CDH12: variants seen among roughly 807,000 people sequenced by gnomAD.
CDH12 encodes cadherin 12.
A neutral mutation model predicts 74.1 loss-of-function variants in CDH12; 41 were observed. That is an observed-to-expected ratio of 0.55 (90% CI 0.43 to 0.72). CDH12 has a LOEUF of 0.72. CDH12 is among the 30% of genes least tolerant of loss of function. The pLI is 0.00. For missense variants in CDH12, 945 were observed against 977.2 expected (o/e 0.97, Z 0.44); for synonymous variants, 399 against 355.0 (o/e 1.12, Z -1.39).
intron 1 of CDH12, among the ~76,000 whole-genome samples, chr5:22,506,726 G>C (rs188205722): frequency 2.6e-5 from 4 of 151,892 alleles, no homozygotes; most frequent in Admixed American, 2.6e-4. Context: ...TCAGTGAAGT[G>C]AGCTGGGAAA....
chr5:22,384,221 G>A (rs1483230730), intron 3 of CDH12, among the ~76,000 whole-genome samples: 2 of 151,948 alleles, frequency 1.3e-5, no homozygotes, highest in African/African-American at 4.8e-5. Context: ...ATTAAAAAAT[G>A]TCCATAAGAA....
intron 1 of CDH12, among the ~76,000 whole-genome samples, chr5:22,650,670 T>G (rs1185059182): frequency 1.3e-5 from 2 of 152,076 alleles, no homozygotes; most frequent in East Asian, 1.9e-4. Flanking sequence ...CCCTTTCATC[T>G]TGTGCACTTC....
intron 5 of CDH12, among the ~76,000 whole-genome samples, chr5:21,999,099 A>G (rs955071602): frequency 7.2e-5 from 11 of 152,136 alleles, no homozygotes; most frequent in African/African-American, 2.7e-4. Context: ...TTAAAGCAAT[A>G]GTAGCCCTTT....
intron 3 of CDH12, among the ~76,000 whole-genome samples, chr5:22,289,505 A>C (rs2150412150): frequency 6.6e-6 from 1 of 152,354 alleles, no homozygotes; most frequent in Non-Finnish European, 1.5e-5. Flanking sequence ...GTCTTTGGAC[A>C]ATACTAGAAT....
At chr5:22,726,689 C>A (rs1744180384) in intron 1 of CDH12, among the ~76,000 whole-genome samples, 1 of 151,804 alleles carries the variant, frequency 6.6e-6, no homozygotes, top group African/African-American at 2.4e-5. Context: ...GTTTTTACAA[C>A]AGAACATATA....
intron 1 of CDH12, among the ~76,000 whole-genome samples, chr5:22,576,076 A>G (rs559281248): frequency 6.6e-6 from 1 of 152,206 alleles, no homozygotes; most frequent in Admixed American, 6.5e-5. Flanking sequence ...GAGGCCCCCA[A>G]GGGCCCCATC....
intron 4 of CDH12, among the ~76,000 whole-genome samples, chr5:22,165,246 T>C (rs1325041110): frequency 6.6e-6 from 1 of 152,158 alleles, no homozygotes; most frequent in Non-Finnish European, 1.5e-5. Context: ...GATCAGTTCT[T>C]GTTACTTCTC....
intron 4 of CDH12, among the ~76,000 whole-genome samples, chr5:22,094,276 G>T (rs1175660258): frequency 2.6e-5 from 4 of 152,154 alleles, no homozygotes; most frequent in Non-Finnish European, 5.9e-5. Flanking sequence ...CAACTTAAGA[G>T]GTGACCCATA....
chr5:22,005,980 CTTT>C (rs1382006918), intron 5 of CDH12, among the ~76,000 whole-genome samples: 3 of 152,054 alleles, frequency 2.0e-5, no homozygotes, highest in Non-Finnish European at 4.4e-5. Flanking sequence ...TATGGAAAAG[CTTT>C]CTATCCTCTT....
At chr5:22,573,837 G>T (rs975894793) in intron 1 of CDH12, among the ~76,000 whole-genome samples, 1 of 151,990 alleles carries the variant, frequency 6.6e-6, no homozygotes, top group East Asian at 1.9e-4. Context: ...GACTGTAGAG[G>T]ATCAATATAG....
chr5:21,898,280 G>T (rs1391403884), intron 6 of CDH12, among the ~76,000 whole-genome samples: 1 of 151,974 alleles, frequency 6.6e-6, no homozygotes, highest in East Asian at 1.9e-4. Flanking sequence ...GGAGTGTAGT[G>T]GTGTGATCTC....
intron 8 of CDH12, among the ~76,000 whole-genome samples, chr5:21,830,726 T>A (rs2149966336): frequency 6.6e-6 from 1 of 152,102 alleles, no homozygotes; most frequent in East Asian, 1.9e-4. Flanking sequence ...GCTTTACGAA[T>A]CACTTTATAA....
intron 3 of CDH12, among the ~76,000 whole-genome samples, chr5:22,256,411 C>T (rs1212120468): frequency 6.6e-6 from 1 of 152,122 alleles, no homozygotes; most frequent in Admixed American, 6.6e-5. Context: ...AAACCTACTG[C>T]ACTGTCAGTT....
At chr5:22,311,142 C>G (rs894101483) in intron 3 of CDH12, among the ~76,000 whole-genome samples, 2 of 152,122 alleles carry the variant, frequency 1.3e-5, no homozygotes, top group African/African-American at 4.8e-5. Flanking sequence ...GAAGAGGTAA[C>G]TTTCACGCAA....
At chr5:22,575,402 T>C (rs1016803025) in intron 1 of CDH12, among the ~76,000 whole-genome samples, 2 of 152,014 alleles carry the variant, frequency 1.3e-5, no homozygotes, top group Non-Finnish European at 2.9e-5. Context: ...AAACATTTTT[T>C]TTTTTTTTGA....
At chr5:22,768,376 A>T (rs1580981074) in intron 1 of CDH12, among the ~76,000 whole-genome samples, 1 of 152,138 alleles carries the variant, frequency 6.6e-6, no homozygotes, top group Non-Finnish European at 1.5e-5. Flanking sequence ...AGTTATGGAG[A>T]GTTTATTATA....
chr5:22,524,922 T>C (rs560346471), intron 1 of CDH12, among the ~76,000 whole-genome samples: 2 of 151,964 alleles, frequency 1.3e-5, no homozygotes, highest in East Asian at 1.9e-4. Context: ...TAACTCGTCA[T>C]TTACATTAGG....
rs1219600876 is a variant in CDH12 at position 22,505,324 on chromosome 5, G to A, written c.-482C>T. ...CCCAACTGCTCCTGGGTTCCAGCTTGTCTATATTTCCCAAAAGAGCCAAGC... is the reference window on the plus strand; with the variant it reads ...CCCAACTGCTCCTGGGTTCCAGCTTATCTATATTTCCCAAAAGAGCCAAGC... On this transcript the variant is annotated 5_prime_UTR_variant, in exon 2 of 15. Transcript: ENST00000382254. 2.0e-6 allele frequency: 2 copies of A among 984,816 alleles called. No individual in the cohort carries two copies. The highest frequency in any genetic ancestry group is 1.7e-5 in the African/African-American group (1 of 57,184). 61.0% of individuals were successfully genotyped at this position (984,816 alleles called of 1,614,324 possible). A position where few individuals can be genotyped will look rare whatever the true frequency, so the allele number is the denominator to read the frequency against.
At chr5:22,239,473 G>A (rs149138480) in intron 3 of CDH12, among the ~76,000 whole-genome samples, 13 of 152,038 alleles carry the variant, frequency 8.6e-5, no homozygotes, top group African/African-American at 2.4e-4. Flanking sequence ...ATCTTCACAC[G>A]TCTGCTACAC....
Sources: gnomAD v4.1 joint callset for allele counts (sites outside exome capture counted in the v4.1 genomes callset) on GRCh38, gnomAD v4.1.1 for gene constraint, MANE v1.5 for transcripts, NCBI Gene and HGNC (gene_info 2026-07-23, HGNC 2026-07-21) for gene names.